SGK1: variants seen among roughly 807,000 people sequenced by gnomAD.
SGK1 encodes the protein serine/threonine-protein kinase Sgk1.
A neutral mutation model predicts 64.2 loss-of-function variants in SGK1; 26 were observed. The ratio of observed to expected loss-of-function variants is 0.40; its 90% CI spans 0.30 to 0.56. The LOEUF (loss-of-function observed/expected upper bound fraction) is 0.56. Ranked by LOEUF, SGK1 falls within the 20% of genes least tolerant of loss-of-function variation. The pLI, the probability that SGK1 is intolerant of heterozygous loss-of-function variation, is 0.38. For missense variants in SGK1, 519 were observed against 645.6 expected (o/e 0.80, Z 2.12); for synonymous variants, 265 against 239.7 (o/e 1.11, Z -0.98).
chr6:134,231,224 G>A (rs1582730098), intron 2 of SGK1, among the ~76,000 whole-genome samples: 2 of 152,112 alleles, frequency 1.3e-5, no homozygotes, highest in South Asian at 4.1e-4. Context: ...AGATAACTTG[G>A]GACTGTGTAG....
In SGK1 at chr6:134,301,693, C is replaced by T. The variant is rs1394111978; in HGVS notation, c.69+15699G>A. On this transcript the variant is annotated intron_variant, in intron 1 of 13. Transcript: ENST00000367858. ...GCAACCTCAACCTTCTGGGCTCAAG[C>T]GATCTTCCCACCTCAGCCTCCCGAG... is the stretch of plus-strand genomic sequence containing the variant. Among the ~76,000 whole-genome samples the T allele has an allele frequency of 3.9e-5, 6 of 152,142 alleles. No homozygotes were observed. In the East Asian group the frequency reaches 1.2e-3, roughly 29 times the overall value.
chr6:134,309,307 CAGG>C (rs1327476940), intron 1 of SGK1, among the ~76,000 whole-genome samples: 1 of 152,224 alleles, frequency 6.6e-6, no homozygotes, highest in Non-Finnish European at 1.5e-5. Context: ...ATGGCAGCTG[CAGG>C]AGGAGGCCAA....
chr6:134,261,906 A>C, intron 2 of SGK1, 27 bp downstream of exon 2: 1 of 1,540,458 alleles, frequency 6.5e-7, no homozygotes, highest in Non-Finnish European at 9.0e-7. Context: ...TTCCAGGAGA[A>C]TAGATCCAGA....
At chr6:134,194,976 C>G (rs1364804429) in intron 3 of SGK1, among the ~76,000 whole-genome samples, 1 of 152,144 alleles carries the variant, frequency 6.6e-6, no homozygotes, top group African/African-American at 2.4e-5. Flanking sequence ...ATCCACTAGA[C>G]TTTTTGATCT....
At chr6:134,258,981 T>A (rs1456307949) in intron 2 of SGK1, among the ~76,000 whole-genome samples, 1 of 151,926 alleles carries the variant, frequency 6.6e-6, no homozygotes, top group Non-Finnish European at 1.5e-5. Flanking sequence ...GAGCAAAACC[T>A]TGTCTCAAAA....
intron 2 of SGK1, among the ~76,000 whole-genome samples, chr6:134,210,081 T>G (rs992213337): frequency 1.3e-5 from 2 of 152,176 alleles, no homozygotes; most frequent in Non-Finnish European, 1.5e-5. Context: ...TCAGAGAAAT[T>G]GGGATCTCAA....
intron 1 of SGK1, among the ~76,000 whole-genome samples, chr6:134,286,478 AT>A (rs1267281237): frequency 0.11 from 14,445 of 128,440 alleles, 607 homozygotes; most frequent in East Asian, 0.16. Context: ...AAAATACAAT[AT>A]TTTTTTTTTT....
intron 8 of SGK1, 83 bp downstream of exon 8, chr6:134,172,940 A>G (rs961965878): frequency 6.7e-7 from 1 of 1,492,910 alleles, no homozygotes; most frequent in African/African-American, 1.4e-5. Context: ...CCCACCAAAA[A>G]TCTTTGAAAA....
chr6:134,183,106 A>C (rs1775356791), intron 3 of SGK1, among the ~76,000 whole-genome samples: 1 of 152,180 alleles, frequency 6.6e-6, no homozygotes, highest in Non-Finnish European at 1.5e-5. Context: ...GATCCAGCTG[A>C]ACCTAGCCTC....
At chr6:134,196,131 T>G (rs1274907317) in intron 3 of SGK1, among the ~76,000 whole-genome samples, 2 of 152,318 alleles carry the variant, frequency 1.3e-5, no homozygotes, top group Non-Finnish European at 2.9e-5. Context: ...CATTTTTGCA[T>G]GTATAAGAAA....
At chr6:134,254,062 A>G (rs1273104322) in intron 2 of SGK1, among the ~76,000 whole-genome samples, 2 of 148,342 alleles carry the variant, frequency 1.3e-5, no homozygotes, top group East Asian at 4.0e-4. Flanking sequence ...TACAGCCAGC[A>G]TGGGCTACAG....
At chr6:134,175,325 G>T (rs1047140306) in intron 3 of SGK1, among the ~76,000 whole-genome samples, 2 of 152,092 alleles carry the variant, frequency 1.3e-5, no homozygotes, top group East Asian at 1.9e-4. Context: ...CCTGCGGCCG[G>T]ACTCCCACCC....
Position 134,249,702 on chromosome 6 carries a change from G to A in SGK1, c.285+12231C>T, listed in dbSNP as rs534417903. On this transcript the variant is annotated intron_variant, in intron 2 of 13. Transcript: ENST00000367858. Reference sequence around the variant, plus strand: ...GAAACTCTCAATAAACACCAGCTGAGAGAATAAACCAAGGCTTTGCTGTGT... The same window carrying A: ...GAAACTCTCAATAAACACCAGCTGAAAGAATAAACCAAGGCTTTGCTGTGT... Among the ~76,000 whole-genome samples the A allele has an allele frequency of 4.7e-4, 71 of 152,292 alleles. 2 individuals are homozygous for A. The South Asian group carries it at 0.015, about 32-fold the overall frequency.
intron 1 of SGK1, among the ~76,000 whole-genome samples, chr6:134,301,715 C>G (rs1324137166): frequency 6.6e-6 from 1 of 152,046 alleles, no homozygotes; most frequent in Non-Finnish European, 1.5e-5. Flanking sequence ...CTCAGCCTCC[C>G]GAGTAACTGG....
At chr6:134,262,879 GA>G in intron 1 of SGK1, among the ~76,000 whole-genome samples, 1 of 150,418 alleles carries the variant, frequency 6.6e-6, no homozygotes, top group Non-Finnish European at 1.5e-5. Flanking sequence ...TTGTCTCTAC[GA>G]AAAAAATAAC....
chr6:134,220,058 C>CAAAAAAAAAAAAA (rs55870107), intron 2 of SGK1, among the ~76,000 whole-genome samples: 17 of 61,352 alleles, frequency 2.8e-4, no homozygotes, highest in East Asian at 9.5e-4. Flanking sequence ...GACTCCGTCT[C>CAAAAAAAAAAAAA]AAAAAAAAAA....
chr6:134,232,475 GAA>G (rs71003684), intron 2 of SGK1, among the ~76,000 whole-genome samples: 2 of 111,792 alleles, frequency 1.8e-5, no homozygotes. Context: ...AAGAAAGAAA[GAA>G]AGAAAGAGAA....
intron 2 of SGK1, among the ~76,000 whole-genome samples, chr6:134,222,713 G>GA (rs1437227028): frequency 6.6e-6 from 1 of 151,830 alleles, no homozygotes; most frequent in Admixed American, 6.6e-5. Context: ...ATGGGGCTGG[G>GA]AAAAAATAAT....
intron 2 of SGK1, among the ~76,000 whole-genome samples, chr6:134,234,117 T>C (rs1453408589): frequency 6.6e-6 from 1 of 152,252 alleles, no homozygotes; most frequent in African/African-American, 2.4e-5. Flanking sequence ...AATGTATTTC[T>C]GGCCAAGAGT....
Sources: allele counts gnomAD v4.1 joint callset (sites outside exome capture counted in the v4.1 genomes callset), GRCh38; gene constraint gnomAD v4.1.1; transcripts MANE v1.5; gene names NCBI Gene and HGNC (gene_info 2026-07-23, HGNC 2026-07-21).